The following MACROD2 variants were observed in gnomAD, a reference collection of about 807,000 sequenced individuals.
MACROD2 encodes the protein ADP-ribose glycohydrolase MACROD2.
A neutral mutation model predicts 70.4 loss-of-function variants in MACROD2; 36 were observed. That is an observed-to-expected ratio of 0.51 (90% CI 0.39 to 0.68). The LOEUF (loss-of-function observed/expected upper bound fraction) is 0.68, where lower values mean the gene tolerates loss of function less well. Among genes scored for constraint, MACROD2 ranks in the 30% least tolerant of loss-of-function variants. The pLI, the probability that MACROD2 is intolerant of heterozygous loss-of-function variation, is 0.00. For missense variants in MACROD2, 496 were observed against 538.4 expected (o/e 0.92, Z 0.78); for synonymous variants, 172 against 178.8 (o/e 0.96, Z 0.30).
intron 8 of MACROD2, among the ~76,000 whole-genome samples, chr20:15,605,703 AG>A (rs1245583716): frequency 1.3e-5 from 2 of 152,198 alleles, no homozygotes; most frequent in East Asian, 3.8e-4. Context: ...CTAATTTAGA[AG>A]CAGTAGTTCT....
intron 8 of MACROD2, among the ~76,000 whole-genome samples, chr20:15,572,468 T>C (rs1371883682): frequency 6.6e-6 from 1 of 152,106 alleles, no homozygotes; most frequent in Admixed American, 6.6e-5. Context: ...AAAACAAACT[T>C]CAGTGAAGTT....
intron 8 of MACROD2, among the ~76,000 whole-genome samples, chr20:15,856,311 T>G: frequency 6.6e-6 from 1 of 152,206 alleles, no homozygotes; most frequent in East Asian, 1.9e-4. Context: ...ATATGAAAAC[T>G]GGGCTGAAGA....
At chr20:14,957,649 C>T (rs2074548774) in intron 5 of MACROD2, among the ~76,000 whole-genome samples, 1 of 152,282 alleles carries the variant, frequency 6.6e-6, no homozygotes, top group African/African-American at 2.4e-5. Context: ...ATGTCTGACC[C>T]AGGCTGGAAA....
intron 6 of MACROD2, among the ~76,000 whole-genome samples, chr20:15,318,074 G>A (rs2876403): frequency 0.28 from 41,938 of 151,818 alleles, 5,994 homozygotes; most frequent in African/African-American, 0.33. Context: ...GAAATCAGAA[G>A]AAAACAGAAG....
chr20:14,749,137 G>T (rs1007818153), intron 5 of MACROD2, among the ~76,000 whole-genome samples: 6 of 151,880 alleles, frequency 4.0e-5, no homozygotes, highest in African/African-American at 7.3e-5. Flanking sequence ...TTTTTCTCAG[G>T]ACTTATTCAT....
intron 8 of MACROD2, among the ~76,000 whole-genome samples, chr20:15,589,342 A>T (rs1337569143): frequency 6.6e-6 from 1 of 152,232 alleles, no homozygotes; most frequent in Non-Finnish European, 1.5e-5. Flanking sequence ...TCAAATATCA[A>T]TATAAATTTT....
intron 4 of MACROD2, among the ~76,000 whole-genome samples, chr20:14,659,849 A>C (rs1235507333): frequency 6.6e-6 from 1 of 152,142 alleles, no homozygotes; most frequent in Non-Finnish European, 1.5e-5. Context: ...TTTCTCTTCT[A>C]ATAACCTTCT....
intron 2 of MACROD2, among the ~76,000 whole-genome samples, chr20:14,052,463 T>G (rs2053580287): frequency 6.6e-6 from 1 of 152,186 alleles, no homozygotes; most frequent in Admixed American, 6.6e-5. Flanking sequence ...TTGTTGATGA[T>G]CTCTTCTTTG....
At chr20:15,067,542 G>T (rs1458910983) in intron 5 of MACROD2, among the ~76,000 whole-genome samples, 1 of 152,006 alleles carries the variant, frequency 6.6e-6, no homozygotes, top group Non-Finnish European at 1.5e-5. Flanking sequence ...TAGAGATGGG[G>T]TTTCACCATG....
intron 3 of MACROD2, among the ~76,000 whole-genome samples, chr20:14,109,742 C>G (rs572892275): frequency 6.6e-6 from 1 of 151,830 alleles, no homozygotes; most frequent in African/African-American, 2.4e-5. Context: ...ATTATGAGAT[C>G]AAGGCCACAA....
chr20:14,957,216 A>G (rs1306850439), intron 5 of MACROD2, among the ~76,000 whole-genome samples: 2 of 152,134 alleles, frequency 1.3e-5, no homozygotes, highest in African/African-American at 2.4e-5. Flanking sequence ...GGATACATTT[A>G]TATGATCTAT....
intron 8 of MACROD2, among the ~76,000 whole-genome samples, chr20:15,547,717 A>G (rs1027065600): frequency 6.6e-6 from 1 of 152,200 alleles, no homozygotes; most frequent in Non-Finnish European, 1.5e-5. Flanking sequence ...CCATTTTCAG[A>G]GGATGATTTG....
At chr20:15,683,311 T>A (rs1346690687) in intron 8 of MACROD2, among the ~76,000 whole-genome samples, 1 of 152,220 alleles carries the variant, frequency 6.6e-6, no homozygotes, top group African/African-American at 2.4e-5. Context: ...AAGCTCCTTC[T>A]CTCCACAAAG....
At chr20:15,588,280 C>G (rs2048630089) in intron 8 of MACROD2, among the ~76,000 whole-genome samples, 1 of 152,200 alleles carries the variant, frequency 6.6e-6, no homozygotes, top group Non-Finnish European at 1.5e-5. Flanking sequence ...AATCCCTAGA[C>G]TGCACACAGA....
At chr20:14,847,485 G>GTTTTTTT (rs34778387) in intron 5 of MACROD2, among the ~76,000 whole-genome samples, 1 of 121,450 alleles carries the variant, frequency 8.2e-6, no homozygotes, top group Non-Finnish European at 1.7e-5. Flanking sequence ...AGTGTTGCCT[G>GTTTTTTT]TTTTTTTTTT....
At chr20:15,811,758 T>A (rs1391299859) in intron 8 of MACROD2, among the ~76,000 whole-genome samples, 1 of 151,898 alleles carries the variant, frequency 6.6e-6, no homozygotes, top group Non-Finnish European at 1.5e-5. Flanking sequence ...GGGGAGGAAA[T>A]AGAGATGGTA....
At chr20:14,749,371 A>G (rs1314381040) in intron 5 of MACROD2, among the ~76,000 whole-genome samples, 1 of 152,002 alleles carries the variant, frequency 6.6e-6, no homozygotes, top group African/African-American at 2.4e-5. Flanking sequence ...ATATTTCCTA[A>G]TATACTAAAA....
chr20:15,619,742 C>T (rs1031964761), intron 8 of MACROD2: 8 of 202,778 alleles, frequency 3.9e-5, no homozygotes, highest in Admixed American at 2.4e-4. Flanking sequence ...GCTTTTCCTT[C>T]TCCACTGTCT....
rs570038414 is a variant in MACROD2, at chr20:14,569,108, A to G, written c.301+75600A>G. 7.9e-5 allele frequency among the ~76,000 whole-genome samples: 12 copies of G among 152,186 alleles called. No individual in the cohort carries two copies. The South Asian group carries it at 2.3e-3, about 29-fold the overall frequency. ...CAGCCATGATTCTCTTACAACCGGCAATCTTTTTCTGTCCTTTGTCTACCT... is the reference window on the plus strand; with the variant it reads ...CAGCCATGATTCTCTTACAACCGGCGATCTTTTTCTGTCCTTTGTCTACCT... On this transcript the variant is annotated intron_variant, in intron 4 of 17. Transcript: ENST00000684519.
Sources: gnomAD v4.1 joint callset for allele counts (sites outside exome capture counted in the v4.1 genomes callset) on GRCh38, gnomAD v4.1.1 for gene constraint, MANE v1.5 for transcripts, NCBI Gene and HGNC (gene_info 2026-07-23, HGNC 2026-07-21) for gene names.